The following PRSS38 variants were observed in gnomAD, a reference collection of about 807,000 sequenced individuals.
PRSS38 encodes the protein marapsin 2.
In PRSS38, 22 loss-of-function variants were observed where a neutral mutation model predicts 26.8. The observed-to-expected ratio is 0.82, with a 90% CI of 0.59 to 1.17. PRSS38 has a LOEUF of 1.17. PRSS38 is among the 50% of genes most tolerant of loss of function. PRSS38 has a pLI of 0.00. For missense variants in PRSS38, 427 were observed against 422.7 expected (o/e 1.01, Z -0.09); for synonymous variants, 175 against 172.1 (o/e 1.02, Z -0.13).
intron 3 of PRSS38, among the ~76,000 whole-genome samples, chr1:227,819,899 G>A (rs1195859997): frequency 6.6e-6 from 1 of 151,918 alleles, no homozygotes; most frequent in Non-Finnish European, 1.5e-5. Context: ...GACTATCCTG[G>A]CCAACATGGT....
At chr1:227,843,786 G>A (rs927737479) in intron 3 of PRSS38, among the ~76,000 whole-genome samples, 5 of 151,942 alleles carry the variant, frequency 3.3e-5, no homozygotes, top group African/African-American at 4.8e-5. Context: ...TTGGGAGGCC[G>A]AGGCAGGTGG....
chr1:227,834,870 AC>A (rs1665216819), intron 3 of PRSS38, among the ~76,000 whole-genome samples: 1 of 152,172 alleles, frequency 6.6e-6, no homozygotes, highest in Non-Finnish European at 1.5e-5. Context: ...GAAATTAAAA[AC>A]TTTTGTATAT....
At chr1:227,839,845 C>T (rs192750673) in intron 3 of PRSS38, among the ~76,000 whole-genome samples, 3 of 152,334 alleles carry the variant, frequency 2.0e-5, no homozygotes, top group Non-Finnish European at 4.4e-5. Context: ...CGGGCACTTT[C>T]TTAATTCTTC....
Position 227,816,202 on chromosome 1 carries a change from C to A in PRSS38, c.261C>A (p.Gly87=), listed in dbSNP as rs1664912887. ...ACGCAGGCCTCCACGTCTGCGGCGG[C>A]TCCATCCTCAATGAGTACTGGGTGC... is the stretch of plus-strand genomic sequence containing the variant. Residue 87 remains glycine (G), a synonymous_variant, in exon 2 of 5, where the codon GGC becomes GGA. Coordinates refer to ENST00000366757, the Ensembl canonical transcript of PRSS38. This position sits in a 1 kb window ranked among gnomAD's most constrained non-coding sequence, Gnocchi z 5.1. 7 of 1,613,556 alleles carry A rather than the reference C, an allele frequency of 4.3e-6. No individual in the cohort carries two copies. The highest frequency in any genetic ancestry group is 5.9e-6 in the Non-Finnish European group (7 of 1,179,848).
At chr1:227,822,892 G>A (rs544994227) in intron 3 of PRSS38, among the ~76,000 whole-genome samples, 1 of 152,154 alleles carries the variant, frequency 6.6e-6, no homozygotes, top group Admixed American at 6.5e-5. Flanking sequence ...CAAGTACAGA[G>A]GTGCTTTTTC....
intron 3 of PRSS38, among the ~76,000 whole-genome samples, chr1:227,831,181 C>T (rs1665148085): frequency 6.6e-6 from 1 of 152,124 alleles, no homozygotes; most frequent in Admixed American, 6.6e-5. Context: ...AAATTTCCCT[C>T]TATGCACTGT....
chr1:227,846,057 T>A lies in PRSS38; in HGVS notation c.830T>A (p.Val277Glu), dbSNP rs370965597. 165 of 1,614,038 alleles carry A rather than the reference T, an allele frequency of 1.0e-4. No homozygotes were observed. The highest frequency in any genetic ancestry group is 1.3e-4 in the Non-Finnish European group (157 of 1,180,034). The change falls in exon 5 of 5, where the codon GTG becomes GAG. Residue 277 changes from valine (V) to glutamate (E), a missense_variant. Transcript: ENST00000366757. ...TGCTCCAACCCTCTGTACCCTGGAG[T>A]GTATGCCAGTGTTTCCTATTTCTCA...
chr1:227,817,109 C>A, intron 2 of PRSS38, 100 bp from the exon 3 acceptor site: 3 of 1,278,494 alleles, frequency 2.3e-6, no homozygotes, highest in South Asian at 1.4e-5. Context: ...TTTTCAATCC[C>A]ACCGAGTGAG....
At chr1:227,826,441 C>T (rs1056885592) in intron 3 of PRSS38, among the ~76,000 whole-genome samples, 8 of 152,260 alleles carry the variant, frequency 5.3e-5, no homozygotes, top group Middle Eastern at 3.4e-3. Context: ...AGGCCAAGTG[C>T]GGTGGCTAAC....
chr1:227,845,588 C>A (rs1665416805), exon 4 of PRSS38: 1 of 1,613,662 alleles, frequency 6.2e-7, no homozygotes, highest in African/African-American at 1.3e-5. Flanking sequence ...CTGGGGACAT[C>A]CTGAATGCTA....
At chr1:227,842,840 G>A (rs529933526) in intron 3 of PRSS38, among the ~76,000 whole-genome samples, 2 of 152,138 alleles carry the variant, frequency 1.3e-5, no homozygotes, top group African/African-American at 2.4e-5. Context: ...GCCTCCCAAA[G>A]TGCTGGGACT....
chr1:227,833,968 A>G (rs74535435), intron 3 of PRSS38, among the ~76,000 whole-genome samples: 17,529 of 152,248 alleles, frequency 0.12, 1,317 homozygotes, highest in East Asian at 0.22. Flanking sequence ...TAATCAAGTT[A>G]AGATGAGGAT....
intron 3 of PRSS38, among the ~76,000 whole-genome samples, chr1:227,834,354 G>A (rs539482323): frequency 6.6e-6 from 1 of 152,230 alleles, no homozygotes; most frequent in South Asian, 2.1e-4. Flanking sequence ...TGGGTTCTTA[G>A]ATACAACAAA....
intron 3 of PRSS38, among the ~76,000 whole-genome samples, chr1:227,819,898 G>A (rs1396135736): frequency 6.6e-6 from 1 of 151,978 alleles, no homozygotes; most frequent in Admixed American, 6.6e-5. Flanking sequence ...AGACTATCCT[G>A]GCCAACATGG....
intron 3 of PRSS38, among the ~76,000 whole-genome samples, chr1:227,836,969 T>C (rs1370055862): frequency 6.6e-6 from 1 of 152,054 alleles, no homozygotes; most frequent in Non-Finnish European, 1.5e-5. Context: ...TAGACAAACA[T>C]TTTATTTATA....
chr1:227,828,773 AG>A (rs1665110863), intron 3 of PRSS38, among the ~76,000 whole-genome samples: 1 of 152,108 alleles, frequency 6.6e-6, no homozygotes, highest in African/African-American at 2.4e-5. Context: ...AGGGTTATGT[AG>A]GGACAGGTTT....
chr1:227,837,674 C>A (rs527946576), intron 3 of PRSS38, among the ~76,000 whole-genome samples: 1 of 152,226 alleles, frequency 6.6e-6, no homozygotes, highest in East Asian at 1.9e-4. Flanking sequence ...CTGCCAAACA[C>A]GTTTCTAAAG....
intron 3 of PRSS38, among the ~76,000 whole-genome samples, chr1:227,839,820 G>A (rs1665291175): frequency 6.6e-6 from 1 of 152,174 alleles, no homozygotes; most frequent in Admixed American, 6.5e-5. Context: ...CCGTCATCCA[G>A]CAGAGGATGT....
rs771431860 is a variant in PRSS38, at chr1:227,816,192, T to C, written c.251T>C (p.Val84Ala). ...AGCGTGCACTACGCAGGCCTCCACGTCTGCGGCGGCTCCATCCTCAATGAG... is the reference window on the plus strand; with the variant it reads ...AGCGTGCACTACGCAGGCCTCCACGCCTGCGGCGGCTCCATCCTCAATGAG... The change falls in exon 2 of 5, where the codon GTC becomes GCC. Residue 84 changes from valine to alanine, a missense_variant. By Grantham distance (64) the Val-to-Ala change is moderately conservative. Transcript: ENST00000366757. The surrounding 1 kb of genome is among the most constrained non-coding windows in gnomAD (Gnocchi z 5.1). 3 of 1,613,602 alleles carry C rather than the reference T, an allele frequency of 1.9e-6. No homozygotes were observed. Among genetic ancestry groups the C allele is most frequent in the Non-Finnish European group, 2.5e-6 (3 of 1,179,830 alleles).
Sources: gnomAD v4.1 joint callset for allele counts (sites outside exome capture counted in the v4.1 genomes callset) on GRCh38, gnomAD v4.1.1 for gene constraint, Gnocchi (gnomAD v3.1) non-coding constraint, MANE v1.5 for transcripts, NCBI Gene and HGNC (gene_info 2026-07-23, HGNC 2026-07-21) for gene names.